The following FRMD4A variants were observed in gnomAD, a reference collection of about 807,000 sequenced individuals.
FRMD4A encodes the protein FERM domain containing 4A, also known as FERM domain-containing protein 4A.
In FRMD4A, 29 loss-of-function variants were observed where a neutral mutation model predicts 129.1. That is an observed-to-expected ratio of 0.22 (90% CI 0.17 to 0.31). The LOEUF (loss-of-function observed/expected upper bound fraction) is 0.31, where lower values mean the gene tolerates loss of function less well. FRMD4A is among the 10% of genes least tolerant of loss of function. The probability of loss-of-function intolerance (pLI) is 1.00; values close to 1 mark genes in which losing one functional copy is unlikely to be tolerated. For synonymous variants in FRMD4A, 634 were observed against 571.6 expected (o/e 1.11, Z -1.56); for missense variants, 1,272 against 1,375.8 (o/e 0.92, Z 1.19).
At chr10:13,706,779 CG>C (rs964301305) in intron 13 of FRMD4A, among the ~76,000 whole-genome samples, 14 of 150,546 alleles carry the variant, frequency 9.3e-5, no homozygotes, top group South Asian at 4.2e-4. Context: ...CACACACACA[CG>C]AGCCAGGGAC....
At chr10:14,241,683 T>TAAAAAAAAAAAAAAAAAAAAAAAA (rs71388168) in intron 2 of FRMD4A, among the ~76,000 whole-genome samples, 1 of 23,416 alleles carries the variant, frequency 4.3e-5, no homozygotes, top group Non-Finnish European at 7.3e-5. Context: ...TTACCCTCCC[T>TAAAAAAAAAAAAAAAAAAAAAAAA]AAAAAAAAAA....
At position 13,707,705 on chromosome 10, in the gene FRMD4A, C is replaced by T. The variant is rs1177052819; in HGVS notation, c.760-592G>A. The T allele has an allele frequency of 1.0e-5, 10 of 985,476 alleles. No homozygotes were observed. The East Asian group carries it at 1.1e-3, about 112-fold the overall frequency. The allele number at this position is 985,476 out of a possible 1,614,324, so 61.0% of individuals were successfully genotyped here. A position where few individuals can be genotyped will look rare whatever the true frequency, so the allele number is the denominator to read the frequency against. On this transcript the variant is annotated intron_variant, in intron 12 of 24. Transcript: ENST00000357447. ...GCTGGGACCTTATTTCGGGGGCAGG[C>T]AACTCAAGATCACAGTGTGAGCCTG...
intron 2 of FRMD4A, among the ~76,000 whole-genome samples, chr10:14,287,809 C>T (rs1001498990): frequency 3.3e-5 from 5 of 152,080 alleles, no homozygotes; most frequent in African/African-American, 1.2e-4. Flanking sequence ...TTCTTGAGGC[C>T]TTTTTTGCAA....
At chr10:13,878,082 G>A (rs1443786663) in intron 2 of FRMD4A, among the ~76,000 whole-genome samples, 2 of 152,166 alleles carry the variant, frequency 1.3e-5, no homozygotes, top group Non-Finnish European at 2.9e-5. Context: ...AATATATCCA[G>A]GGTGCATATC....
chr10:14,057,072 A>G (rs1473000949), intron 2 of FRMD4A, among the ~76,000 whole-genome samples: 1 of 152,172 alleles, frequency 6.6e-6, no homozygotes, highest in African/African-American at 2.4e-5. Flanking sequence ...AACACATGAG[A>G]AAAATGCTAG....
chr10:13,959,720 G>A (rs2095434563), intron 2 of FRMD4A, among the ~76,000 whole-genome samples: 1 of 152,144 alleles, frequency 6.6e-6, no homozygotes, highest in Non-Finnish European at 1.5e-5. Flanking sequence ...CATGTGCTCA[G>A]TTTCTACCCG....
intron 3 of FRMD4A, among the ~76,000 whole-genome samples, chr10:13,841,145 G>A (rs1264778802): frequency 6.6e-6 from 1 of 152,136 alleles, no homozygotes; most frequent in Non-Finnish European, 1.5e-5. Context: ...GTGGTCTAAT[G>A]TTACAGTTCA....
intron 22 of FRMD4A, chr10:13,655,925 G>A (rs1458401564): frequency 6.6e-6 from 1 of 152,080 alleles, no homozygotes; most frequent in South Asian, 2.1e-4. Flanking sequence ...TGTAACTTAA[G>A]GGAATGAGTG....
intron 2 of FRMD4A, among the ~76,000 whole-genome samples, chr10:14,291,803 A>C (rs1455993375): frequency 1.3e-5 from 2 of 151,826 alleles, no homozygotes; most frequent in Admixed American, 1.3e-4. Flanking sequence ...AAGATAAAAA[A>C]CTATATACAT....
At chr10:13,827,844 C>T (rs752260902) in intron 3 of FRMD4A, among the ~76,000 whole-genome samples, 26 of 152,202 alleles carry the variant, frequency 1.7e-4, no homozygotes, top group Non-Finnish European at 3.1e-4. Context: ...GAAGGGGCCC[C>T]TCTGCTCCTG....
chr10:13,998,688 C>T (rs2095631426), intron 2 of FRMD4A, among the ~76,000 whole-genome samples: 1 of 152,096 alleles, frequency 6.6e-6, no homozygotes, highest in South Asian at 2.1e-4. Context: ...CCCTCCACAC[C>T]CAATCTGTCA....
At chr10:13,857,335 G>A (rs565228788) in intron 3 of FRMD4A, among the ~76,000 whole-genome samples, 43 of 152,140 alleles carry the variant, frequency 2.8e-4, no homozygotes, top group African/African-American at 8.2e-4. Flanking sequence ...AAATGTTAGC[G>A]AAAGACAATG....
chr10:13,913,925 C>T (rs543330040), intron 2 of FRMD4A, among the ~76,000 whole-genome samples: 11 of 152,260 alleles, frequency 7.2e-5, no homozygotes, highest in East Asian at 5.8e-4. Context: ...GACGGGGAGA[C>T]GCAGAGGCCT....
intron 4 of FRMD4A, among the ~76,000 whole-genome samples, chr10:13,797,167 A>G (rs1344780285): frequency 6.6e-6 from 1 of 152,180 alleles, no homozygotes; most frequent in Non-Finnish European, 1.5e-5. Flanking sequence ...TTCCCAGGGA[A>G]ACACTGAAAC....
intron 2 of FRMD4A, among the ~76,000 whole-genome samples, chr10:13,878,778 G>A (rs1303473239): frequency 7.4e-6 from 1 of 135,784 alleles, no homozygotes; most frequent in Non-Finnish European, 1.5e-5. Context: ...AAGAAAGAGA[G>A]AGAGAGAGAG....
intron 2 of FRMD4A, among the ~76,000 whole-genome samples, chr10:14,134,520 G>T (rs62653756): frequency 6.6e-6 from 1 of 150,908 alleles, no homozygotes; most frequent in African/African-American, 2.4e-5. Flanking sequence ...GAGGGATGGA[G>T]GGATGGGTGA....
chr10:13,768,480 A>T (rs905475496), intron 6 of FRMD4A, among the ~76,000 whole-genome samples: 3 of 152,220 alleles, frequency 2.0e-5, no homozygotes, highest in African/African-American at 7.2e-5. Flanking sequence ...ATTCCGTGAG[A>T]AAATGTAATT....
At chr10:13,677,014 C>A (rs937373617) in intron 15 of FRMD4A, among the ~76,000 whole-genome samples, 2 of 152,190 alleles carry the variant, frequency 1.3e-5, no homozygotes, top group African/African-American at 2.4e-5. Context: ...GGCAATGCAG[C>A]ATCATAAAGC....
chr10:13,837,448 C>A (rs2093894418), intron 3 of FRMD4A, among the ~76,000 whole-genome samples: 1 of 152,194 alleles, frequency 6.6e-6, no homozygotes, highest in Admixed American at 6.5e-5. Flanking sequence ...AGCCAAGATT[C>A]CTGACCTTGT....
Sources: allele counts gnomAD v4.1 joint callset (sites outside exome capture counted in the v4.1 genomes callset), GRCh38; gene constraint gnomAD v4.1.1; transcripts MANE v1.5; gene names NCBI Gene and HGNC (gene_info 2026-07-23, HGNC 2026-07-21).